The following TRPM4 variants were observed in gnomAD, a reference collection of about 807,000 sequenced individuals.
TRPM4 encodes transient receptor potential cation channel subfamily M member 4, also known as calcium-activated non-selective cation channel 1.
A neutral mutation model predicts 135.6 loss-of-function variants in TRPM4; 124 were observed. That is an observed-to-expected ratio of 0.91 (90% CI 0.79 to 1.06). The LOEUF is 1.06. TRPM4 is among the 50% of genes least tolerant of loss of function. TRPM4 has a pLI of 0.00. For missense variants in TRPM4, 1,658 were observed against 1,671.4 expected (o/e 0.99, Z 0.14); for synonymous variants, 745 against 705.6 (o/e 1.06, Z -0.88).
At chr19:49,183,993 C>A (rs1479335171) in intron 12 of TRPM4, among the ~76,000 whole-genome samples, 1 of 151,800 alleles carries the variant, frequency 6.6e-6, no homozygotes, top group Non-Finnish European at 1.5e-5. Flanking sequence ...GATCTCCTGA[C>A]CTTGTGATCT....
intron 2 of TRPM4, among the ~76,000 whole-genome samples, chr19:49,160,483 C>CAAA (rs555159944): frequency 0.034 from 2,293 of 67,774 alleles, 77 homozygotes; most frequent in African/African-American, 0.099. Context: ...GACTCCATCT[C>CAAA]AAAAAAAAAA....
At chr19:49,194,097 C>T (rs1477132482) in intron 16 of TRPM4, among the ~76,000 whole-genome samples, 1 of 145,574 alleles carries the variant, frequency 6.9e-6, no homozygotes, top group Non-Finnish European at 1.5e-5. Flanking sequence ...CCTGCTCCTC[C>T]GCCTTCTCCT....
At position 49,171,376 on chromosome 19, in the gene TRPM4, T is replaced by C; in HGVS notation, c.816T>C (p.Pro272=). 1 of 1,614,102 alleles carries C rather than the reference T, an allele frequency of 6.2e-7. No individual in the cohort carries two copies. The highest frequency in any genetic ancestry group is 8.5e-7 in the Non-Finnish European group (1 of 1,180,022). The change falls in exon 7 of 25, where the codon CCT becomes CCC. Residue 272 remains proline (P), a synonymous_variant. Coordinates refer to ENST00000252826, the MANE Select transcript of TRPM4 (RefSeq NM_017636.4). The surrounding 1 kb of genome is among the most constrained non-coding windows in gnomAD (Gnocchi z 4.7). The part of the protein sequence containing the change: ...TGVGGTGIDI[P]VLLLLIDGDE... ...CCTCAGGGACTGGAATTGACATCCC[T>C]GTCCTGCTCCTCCTGATTGATGGTG...
intron 15 of TRPM4, 143 bp downstream of exon 15, chr19:49,190,463 G>A: frequency 2.3e-6 from 2 of 860,660 alleles, no homozygotes; most frequent in Non-Finnish European, 3.7e-6. Flanking sequence ...TCCACTAAGG[G>A]AGTGCTGTGG....
At position 49,200,899 on chromosome 19, in the gene TRPM4, T is replaced by C. The variant is rs1028154982; in HGVS notation, c.2953+114T>C. On this transcript the variant is annotated intron_variant, in intron 19 of 24. Transcript: ENST00000252826. The stretch of plus-strand genomic sequence containing the variant: ...GTCTCTCTGAGTCTCTGTCTCCCTC[T>C]TTCTCTGGATCTCTGAGTGATACCC... The C allele has an allele frequency of 1.1e-5, 13 of 1,196,468 alleles. No homozygotes were observed. The African/African-American group carries it at 1.5e-4, about 14-fold the overall frequency. 74.1% of individuals were successfully genotyped at this position (1,196,468 alleles called of 1,614,324 possible).
At position 49,196,845 on chromosome 19, in the gene TRPM4, C is replaced by G; in HGVS notation, c.2616C>G (p.Leu872=). The G allele has an allele frequency of 6.3e-7, 1 of 1,589,040 alleles. No individual in the cohort carries two copies. The highest frequency in any genetic ancestry group is 8.5e-7 in the Non-Finnish European group (1 of 1,175,606). ...GGAACCAGTGCGACCTAGTGGCTCTCACCTGCTTCCTCCTGGGCGTGGGCT... is the reference window on the plus strand; with the variant it reads ...GGAACCAGTGCGACCTAGTGGCTCTGACCTGCTTCCTCCTGGGCGTGGGCT... ...DSWNQCDLVA[L]TCFLLGVGCR... is the part of the protein sequence containing the mutation. The change falls in exon 17 of 25, where the codon CTC becomes CTG. Residue 872 remains leucine, a synonymous_variant. Transcript: ENST00000252826.
chr19:49,188,041 C>T (rs1355348704), intron 12 of TRPM4, among the ~76,000 whole-genome samples: 1 of 152,106 alleles, frequency 6.6e-6, no homozygotes, highest in Non-Finnish European at 1.5e-5. Flanking sequence ...GCTGCGTGAC[C>T]CCTAAACTTA....
rs1356195904 is a variant in TRPM4 at position 49,210,039 on chromosome 19, G to C, written c.3132-170G>C. On this transcript the variant is annotated intron_variant, in intron 20 of 24. Transcript: ENST00000252826. The surrounding 1 kb of genome is among the most constrained non-coding windows in gnomAD (Gnocchi z 4.1). ...GCTGGGACTACAGGCGTGACCAAACGCCCTTGGCTCTAACCTGACTTCTAA... is the reference window on the plus strand; with the variant it reads ...GCTGGGACTACAGGCGTGACCAAACCCCCTTGGCTCTAACCTGACTTCTAA... Among the ~76,000 whole-genome samples the C allele has an allele frequency of 6.6e-6, 1 of 152,102 alleles. No individual in the cohort carries two copies. The highest frequency in any genetic ancestry group is 1.5e-5 in the Non-Finnish European group (1 of 68,018).
At position 49,181,419 on chromosome 19, in the gene TRPM4, C is replaced by T; in HGVS notation, c.1221C>T (p.Asp407=). ...LRLAVAWNRV[D]IAQSELFRGD... The stretch of plus-strand genomic sequence containing the variant: ...TGGCTGTGGCTTGGAACCGCGTGGA[C>T]ATTGCCCAGAGTGAACTCTTTCGGG... Residue 407 remains aspartate, a synonymous_variant, in exon 10 of 25, where the codon GAC becomes GAT. Coordinates refer to ENST00000252826, the MANE Select transcript of TRPM4 (RefSeq NM_017636.4). The T allele has an allele frequency of 6.2e-7, 1 of 1,613,576 alleles. No homozygotes were observed. Among genetic ancestry groups the T allele is most frequent in the South Asian group, 1.1e-5 (1 of 91,056 alleles).
At chr19:49,202,819 C>T (rs544764026) in intron 20 of TRPM4, among the ~76,000 whole-genome samples, 10 of 151,752 alleles carry the variant, frequency 6.6e-5, no homozygotes, top group African/African-American at 1.7e-4. Flanking sequence ...TGTGAGCCAT[C>T]GCGCCCAGCC....
At chr19:49,182,976 G>C in intron 11 of TRPM4, 54 bp downstream of exon 11, 1 of 1,591,290 alleles carries the variant, frequency 6.3e-7, no homozygotes. Context: ...ACCTGGGGGC[G>C]GGATTACATC....
At chr19:49,203,889 A>G (rs1969046984) in intron 20 of TRPM4, among the ~76,000 whole-genome samples, 1 of 151,832 alleles carries the variant, frequency 6.6e-6, no homozygotes, top group Non-Finnish European at 1.5e-5. Flanking sequence ...GCACTTTGGG[A>G]GGCCTAGGCG....
chr19:49,210,127 A>G lies in TRPM4; in HGVS notation c.3132-82A>G, dbSNP rs770951017. On this transcript the variant is annotated intron_variant, in intron 20 of 24. Transcript: ENST00000252826. The surrounding 1 kb of genome is among the most constrained non-coding windows in gnomAD (Gnocchi z 4.1). ...TCTGTCTGCTGCTATAGACTGAACA[A>G]TTATTGCCTGGCATCTAACCTTCGT... 7.3e-6 allele frequency: 10 copies of G among 1,375,500 alleles called. No homozygotes were observed. Among genetic ancestry groups the G allele is most frequent in the Non-Finnish European group, 9.4e-6 (9 of 962,510 alleles). 85.2% of individuals were successfully genotyped at this position (1,375,500 alleles called of 1,614,324 possible). A position where few individuals can be genotyped will look rare whatever the true frequency, so the allele number is the denominator to read the frequency against.
At chr19:49,184,246 C>T (rs1159039226) in intron 12 of TRPM4, among the ~76,000 whole-genome samples, 1 of 151,884 alleles carries the variant, frequency 6.6e-6, no homozygotes, top group Non-Finnish European at 1.5e-5. Context: ...CTCGCAAGTC[C>T]CTTAGGCTCT....
intron 16 of TRPM4, among the ~76,000 whole-genome samples, chr19:49,194,168 G>C (rs1251954151): frequency 1.5e-5 from 2 of 135,554 alleles, no homozygotes; most frequent in Non-Finnish European, 1.6e-5. Context: ...TCCTCCTCCT[G>C]CTCCTGCTTC....
chr19:49,202,881 C>CTTTTTTTTTTTT (rs752188238), intron 20 of TRPM4, among the ~76,000 whole-genome samples: 5 of 109,646 alleles, frequency 4.6e-5, no homozygotes, highest in Admixed American at 2.0e-4. Context: ...ATTTTTACTT[C>CTTTTTTTTTTTT]TTTTTTTTTT....
Position 49,168,261 on chromosome 19 carries a change from A to G in TRPM4, c.450A>G (p.Gly150=), listed in dbSNP as rs529676012. ...GCATGTTCCTCGGCGTCTGTGTAGG[A>G]GCCTGGATTGTCACTGGGGGTCTGC... ...RGLVRAAQST[G]AWIVTGGLHT... Residue 150 remains glycine (G), a splice_region_variant and synonymous_variant, in exon 5 of 25, where the codon GGA becomes GGG. Coordinates refer to ENST00000252826, the MANE Select transcript of TRPM4 (RefSeq NM_017636.4). 2 of 1,613,970 alleles carry G rather than the reference A, an allele frequency of 1.2e-6. No homozygotes were observed. The highest frequency in any genetic ancestry group is 2.2e-5 in the South Asian group (2 of 91,072).
intron 9 of TRPM4, among the ~76,000 whole-genome samples, chr19:49,181,057 C>T (rs1317927474): frequency 6.6e-6 from 1 of 152,010 alleles, no homozygotes. Flanking sequence ...ATTTCTCTCT[C>T]CATCCCTCCC....
At chr19:49,175,977 G>A (rs1344619807) in intron 9 of TRPM4, among the ~76,000 whole-genome samples, 2 of 143,142 alleles carry the variant, frequency 1.4e-5, no homozygotes, top group Non-Finnish European at 3.0e-5. Context: ...AGGCTGGAGT[G>A]CAATGGCGCC....
Sources: allele counts gnomAD v4.1 joint callset (sites outside exome capture counted in the v4.1 genomes callset), GRCh38; gene constraint gnomAD v4.1.1; non-coding constraint Gnocchi (gnomAD v3.1); transcripts MANE v1.5; gene names NCBI Gene and HGNC (gene_info 2026-07-23, HGNC 2026-07-21).